OR4N5: variants seen among roughly 807,000 people sequenced by gnomAD.
OR4N5 encodes the protein olfactory receptor family 4 subfamily N member 5.
For synonymous variants in OR4N5, 155 were observed against 140.6 expected, an observed-to-expected ratio of 1.10 and a Z score of -0.72; for missense variants, 428 against 370.0, an observed-to-expected ratio of 1.16 and a Z score of -1.29.
At chr14:20,143,456 A>G (rs1194874628) in intron 2 of OR4N5, among the ~76,000 whole-genome samples, 1 of 152,232 alleles carries the variant, frequency 6.6e-6, no homozygotes, top group Non-Finnish European at 1.5e-5. Flanking sequence ...TTCTTCAAGC[A>G]AAGTAGCCTG....
intron 1 of OR4N5, among the ~76,000 whole-genome samples, chr14:20,139,320 A>T (rs1404636060): frequency 1.3e-5 from 2 of 152,100 alleles, no homozygotes; most frequent in African/African-American, 4.8e-5. Flanking sequence ...GACAAACTTC[A>T]TTGACTTCAC....
intron 1 of OR4N5, among the ~76,000 whole-genome samples, chr14:20,139,219 T>G (rs1261144396): frequency 6.6e-6 from 1 of 152,166 alleles, no homozygotes; most frequent in Non-Finnish European, 1.5e-5. Context: ...ATAATACAAA[T>G]GACTGATTTC....
chr14:20,140,570 AGTGTTGCCTGCAGAT>A (rs1448135317), intron 1 of OR4N5, among the ~76,000 whole-genome samples: 1 of 152,186 alleles, frequency 6.6e-6, no homozygotes, highest in Non-Finnish European at 1.5e-5. Flanking sequence ...AGATATGCAC[AGTGTTGCCTGCAGAT>A]GCTTACTGCT....
chr14:20,139,370 T>C (rs1266730140), intron 1 of OR4N5, among the ~76,000 whole-genome samples: 4 of 152,124 alleles, frequency 2.6e-5, no homozygotes, highest in African/African-American at 9.7e-5. Context: ...GTTACATGTG[T>C]TTCCCCATCT....
intron 2 of OR4N5, among the ~76,000 whole-genome samples, chr14:20,142,156 C>T (rs539152995): frequency 4.6e-5 from 7 of 151,856 alleles, no homozygotes; most frequent in South Asian, 2.1e-4. Flanking sequence ...GATGGAGTCT[C>T]GCTCTGTTGC....
intron 2 of OR4N5, 22 bp from the exon 3 acceptor site, chr14:20,143,703 T>G: frequency 6.9e-7 from 1 of 1,457,654 alleles, no homozygotes; most frequent in Non-Finnish European, 9.4e-7. Context: ...CAGATAACAA[T>G]TTGCCCTATT....
At chr14:20,139,413 T>C (rs1878572147) in intron 1 of OR4N5, among the ~76,000 whole-genome samples, 2 of 152,122 alleles carry the variant, frequency 1.3e-5, no homozygotes, top group Admixed American at 1.3e-4. Flanking sequence ...AATATAAGGC[T>C]CAGAGTTAGC....
rs74573154 is a variant in OR4N5 at position 20,141,840 on chromosome 14, C to T, written c.-12+629C>T. 9.0e-3 allele frequency among the ~76,000 whole-genome samples: 1,370 copies of T among 152,232 alleles called. 20 individuals are homozygous for T. The highest frequency in any genetic ancestry group is 0.031 in the African/African-American group (1,304 of 41,562). On this transcript the variant is annotated intron_variant, in intron 2 of 2. Coordinates refer to ENST00000641086, the MANE Select transcript of OR4N5 (RefSeq NM_001004724.2). ...TTTAAGTATGTTTACAGAGTTTGTG[C>T]AAGCATCAACATGTTATAGCATGCA...
intron 2 of OR4N5, 40 bp from the exon 3 acceptor site, chr14:20,143,685 G>C: frequency 2.3e-6 from 3 of 1,292,660 alleles, no homozygotes; most frequent in Non-Finnish European, 3.3e-6. Context: ...ATGAAAAGGT[G>C]GTTATAACAG....
chr14:20,144,057 G>A lies in OR4N5; in HGVS notation c.322G>A (p.Gly108Arg), dbSNP rs1249294665. 1 of 1,614,044 alleles carries A rather than the reference G, an allele frequency of 6.2e-7. No individual in the cohort carries two copies. The highest frequency in any genetic ancestry group is 1.1e-5 in the South Asian group (1 of 91,082). The change falls in exon 3 of 3, where the codon GGA becomes AGA. Residue 108 changes from glycine (G) to arginine (R), a missense_variant. By Grantham distance (125) the Gly-to-Arg change is moderately radical (BLOSUM62 -2). Coordinates refer to ENST00000641086, the MANE Select transcript of OR4N5 (RefSeq NM_001004724.2). Reference protein sequence around the residue: ...ITQLFFLHFLGAGEMFLLVVM... With the variant: ...ITQLFFLHFLRAGEMFLLVVM... ...TCAGCTCTTTTTCTTGCATTTTCTT[G>A]GAGCGGGAGAGATGTTCCTCCTCGT...
At position 20,143,842 on chromosome 14, in the gene OR4N5, T is replaced by G; in HGVS notation, c.107T>G (p.Leu36Arg). 1 of 1,614,020 alleles carries G rather than the reference T, an allele frequency of 6.2e-7. No individual in the cohort carries two copies. Among genetic ancestry groups the G allele is most frequent in the Non-Finnish European group, 8.5e-7 (1 of 1,179,940 alleles). Residue 36 changes from leucine (L) to arginine (R), a missense_variant, in exon 3 of 3, where the codon CTT (leucine) becomes CGT (arginine). Physicochemically the swap from Leu to Arg is moderately radical, Grantham distance 102. Coordinates refer to ENST00000641086, the MANE Select transcript of OR4N5 (RefSeq NM_001004724.2). ...LVFVLVLIFY[L>R]IILPGNFLII... is the part of the protein sequence containing the mutation. ...TTTGTGCTAGTCTTAATTTTCTACC[T>G]TATCATCCTCCCTGGAAATTTCCTC...
In OR4N5 at chr14:20,144,449, C is replaced by T. The variant is rs748583047; in HGVS notation, c.714C>T (p.Ser238=). ...CTGAAGGAAAGAGCAAGGCTATTTCCACATGCACCACCCATATTATCATTA... is the reference window on the plus strand; with the variant it reads ...CTGAAGGAAAGAGCAAGGCTATTTCTACATGCACCACCCATATTATCATTA... ...HSSEGKSKAI[S]TCTTHIIIIF... The change falls in exon 3 of 3, where the codon TCC becomes TCT. Residue 238 remains serine (S), a synonymous_variant. Transcript: ENST00000641086. 2 of 1,614,004 alleles carry T rather than the reference C, an allele frequency of 1.2e-6. No homozygotes were observed. Among genetic ancestry groups the T allele is most frequent in the South Asian group, 1.1e-5 (1 of 91,078 alleles).
chr14:20,144,208 T>A lies in OR4N5; in HGVS notation c.473T>A (p.Val158Glu). 6.2e-7 allele frequency: 1 copy of A among 1,614,102 alleles called. No individual in the cohort carries two copies. The highest frequency in any genetic ancestry group is 8.5e-7 in the Non-Finnish European group (1 of 1,179,988). ...CTTGGGGGCTTTATCCATTCCATTG[T>A]ACAAGTAGCCCTTATCCTGCACTTG... ...LWLGGFIHSI[V>E]QVALILHLPF... Residue 158 changes from valine to glutamate, a missense_variant, in exon 3 of 3, where the codon GTA (valine) becomes GAA (glutamate). Val to Glu is a moderately radical substitution (Grantham distance 121). Coordinates refer to ENST00000641086, the MANE Select transcript of OR4N5 (RefSeq NM_001004724.2).
chr14:20,143,048 G>A (rs1439797350), intron 2 of OR4N5, among the ~76,000 whole-genome samples: 2 of 152,166 alleles, frequency 1.3e-5, no homozygotes, highest in Non-Finnish European at 2.9e-5. Flanking sequence ...TTAAGAACAG[G>A]TTGTAGAGCA....
intron 2 of OR4N5, among the ~76,000 whole-genome samples, chr14:20,142,104 A>T (rs892327572): frequency 6.6e-6 from 1 of 152,092 alleles, no homozygotes; most frequent in Non-Finnish European, 1.5e-5. Flanking sequence ...CAACACGATC[A>T]TTAAAATACA....
chr14:20,144,289 T>C lies in OR4N5; in HGVS notation c.554T>C (p.Ile185Thr), dbSNP rs1878686574. The change falls in exon 3 of 3, where the codon ATC (isoleucine) becomes ACC (threonine). Residue 185 changes from isoleucine (I) to threonine (T), a missense_variant. By Grantham distance (89) the Ile-to-Thr change is moderately conservative. Coordinates refer to ENST00000641086, the MANE Select transcript of OR4N5 (RefSeq NM_001004724.2). Reference sequence around the variant, plus strand: ...TTCTTCTGTGATGTTCCACAGGTCATCAAGCTGGCCTGCACCAATACCTTT... The same window carrying C: ...TTCTTCTGTGATGTTCCACAGGTCACCAAGCTGGCCTGCACCAATACCTTT... ...DNFFCDVPQV[I>T]KLACTNTFVV... The C allele has an allele frequency of 6.2e-7, 1 of 1,614,074 alleles. No individual in the cohort carries two copies. The highest frequency in any genetic ancestry group is 1.3e-5 in the African/African-American group (1 of 75,050).
At chr14:20,140,260 AAG>A (rs1436237084) in intron 1 of OR4N5, among the ~76,000 whole-genome samples, 2 of 152,184 alleles carry the variant, frequency 1.3e-5, no homozygotes, top group East Asian at 1.9e-4. Context: ...AGAAAGAAGA[AAG>A]AGAATGACAA....
intron 2 of OR4N5, among the ~76,000 whole-genome samples, chr14:20,142,627 C>T (rs1239049006): frequency 1.3e-5 from 2 of 152,124 alleles, no homozygotes; most frequent in African/African-American, 2.4e-5. Context: ...AATATTTAGA[C>T]ATGCAGCATC....
rs1566559604 is a variant in OR4N5 at position 20,143,720 on chromosome 14, T to C, written c.-11-5T>C. The C allele has an allele frequency of 5.1e-6, 8 of 1,574,332 alleles. No individual in the cohort carries two copies. The highest frequency in any genetic ancestry group is 6.9e-6 in the Non-Finnish European group (8 of 1,157,000). On this transcript the variant is annotated splice_polypyrimidine_tract_variant and splice_region_variant and intron_variant, in intron 2 of 2. Coordinates refer to ENST00000641086, the MANE Select transcript of OR4N5 (RefSeq NM_001004724.2). ...GATAACAATTTGCCCTATTTTATTC[T>C]GCAGAGTGAGAAATTATGGAAACAC...
Sources: gnomAD v4.1 joint callset for allele counts (sites outside exome capture counted in the v4.1 genomes callset) on GRCh38, gnomAD v4.1.1 for gene constraint, MANE v1.5 for transcripts, NCBI Gene and HGNC (gene_info 2026-07-23, HGNC 2026-07-21) for gene names.